The following DNAJC16 variants were observed in gnomAD, a reference collection of about 807,000 sequenced individuals.
DNAJC16 encodes dnaJ homolog subfamily C member 16.
A neutral mutation model predicts 92.7 loss-of-function variants in DNAJC16; 76 were observed. The observed-to-expected ratio is 0.82, with a 90% confidence interval of 0.68 to 0.99. DNAJC16 has a LOEUF of 0.99. Among genes scored for constraint, DNAJC16 ranks in the 50% least tolerant of loss-of-function variants. The probability of loss-of-function intolerance (pLI) is 0.00; values close to 1 mark genes in which losing one functional copy is unlikely to be tolerated. For synonymous variants in DNAJC16, 328 were observed against 358.7 expected, an observed-to-expected ratio of 0.91 and a Z score of 0.97; for missense variants, 869 against 942.4, an observed-to-expected ratio of 0.92 and a Z score of 1.02.
chr1:15,564,552 T>G (rs1638767075), intron 11 of DNAJC16, among the ~76,000 whole-genome samples, 193 bp downstream of exon 11: 1 of 151,514 alleles, frequency 6.6e-6, no homozygotes, highest in Non-Finnish European at 1.5e-5. Flanking sequence ...TTACTTTTTT[T>G]TTTTTTGAGA....
intron 7 of DNAJC16, among the ~76,000 whole-genome samples, chr1:15,555,251 G>A (rs1486970203): frequency 6.6e-6 from 1 of 151,570 alleles, no homozygotes; most frequent in East Asian, 1.9e-4. Context: ...GCCAGGTGTG[G>A]CAGCATGCTC....
intron 7 of DNAJC16, among the ~76,000 whole-genome samples, chr1:15,555,401 G>A (rs1162909894): frequency 1.4e-5 from 2 of 139,508 alleles, no homozygotes; most frequent in Admixed American, 7.2e-5. Context: ...AAAAAAAAAA[G>A]AGGCCGGGTG....
rs1050820405 is a variant in DNAJC16, at chr1:15,571,360, T to C, written c.*3183T>C. On this transcript the variant is annotated 3_prime_UTR_variant, in exon 15 of 15. Transcript: ENST00000375847. ...TTTGGGAATAGAGATTGGAAGCACA[T>C]ACTCAGACCTGTTTTGTTAACTAGA... The C allele has an allele frequency of 1.3e-5, 2 of 152,740 alleles. No homozygotes were observed. The highest frequency in any genetic ancestry group is 3.4e-3 in the Middle Eastern group (1 of 294). The allele number at this position is 152,740 out of a possible 1,614,324, so 9.5% of individuals were successfully genotyped here. A position where few individuals can be genotyped will look rare whatever the true frequency, so the allele number is the denominator to read the frequency against.
chr1:15,531,920 A>G (rs568997650), intron 2 of DNAJC16, among the ~76,000 whole-genome samples: 11 of 152,350 alleles, frequency 7.2e-5, no homozygotes, highest in African/African-American at 2.6e-4. Flanking sequence ...GAGCTATAGC[A>G]GGGGGAAGTG....
intron 5 of DNAJC16, 88 bp from the exon 6 acceptor site, chr1:15,546,679 A>C: frequency 9.6e-7 from 1 of 1,043,560 alleles, no homozygotes; most frequent in Non-Finnish European, 1.4e-6. Context: ...TTTTACACTT[A>C]CTTGATTTGT....
At position 15,537,243 on chromosome 1, in the gene DNAJC16, C is replaced by T. The variant is rs535423749; in HGVS notation, c.574+429C>T. Among the ~76,000 whole-genome samples, 25 of 152,258 alleles carry T rather than the reference C, an allele frequency of 1.6e-4. 1 individual carries two copies. Among genetic ancestry groups the T allele is most frequent in the Admixed American group, 1.4e-3 (22 of 15,298 alleles). On this transcript the variant is annotated intron_variant, in intron 4 of 14. Coordinates refer to ENST00000375847, the MANE Select transcript of DNAJC16 (RefSeq NM_015291.4). ...TCTGCTTTCTTCAACTCTGTGACTC[C>T]GAAGCACCAATTTTTTACTTATTGT...
intron 11 of DNAJC16, chr1:15,565,599 C>T (rs1226707802): frequency 1.6e-5 from 4 of 256,730 alleles, no homozygotes; most frequent in African/African-American, 2.3e-5. Flanking sequence ...TCCACAATGT[C>T]AGAAAATTCT....
At chr1:15,547,648 G>A (rs1638343516) in intron 6 of DNAJC16, among the ~76,000 whole-genome samples, 1 of 151,814 alleles carries the variant, frequency 6.6e-6, no homozygotes. Flanking sequence ...CACCATGTTG[G>A]CCAGGCTGGT....
At chr1:15,532,732 T>TCATCCA (rs1710688494) in intron 2 of DNAJC16, among the ~76,000 whole-genome samples, 1 of 152,182 alleles carries the variant, frequency 6.6e-6, no homozygotes. Context: ...AGAAATGCTT[T>TCATCCA]GGAGTCTCCA....
chr1:15,556,686 A>C (rs996057993), intron 7 of DNAJC16, among the ~76,000 whole-genome samples: 1 of 151,840 alleles, frequency 6.6e-6, no homozygotes, highest in Non-Finnish European at 1.5e-5. Context: ...CCCTCATTTT[A>C]TTTCTTTTTC....
Position 15,568,124 on chromosome 1 carries a change from C to T in DNAJC16, c.2296C>T (p.Leu766=). ...SKLSLWMERL[L]EGSLQRFYIP... The stretch of plus-strand genomic sequence containing the variant: ...GCTCTCTTTATGGATGGAACGCCTG[C>T]TGGAGGGCTCCTTACAGAGGTTTTA... Residue 766 remains leucine (L), a synonymous_variant, in exon 15 of 15, where the codon CTG becomes TTG. Coordinates refer to ENST00000375847, the MANE Select transcript of DNAJC16 (RefSeq NM_015291.4). 2 of 1,614,088 alleles carry T rather than the reference C, an allele frequency of 1.2e-6. No individual in the cohort carries two copies. The highest frequency in any genetic ancestry group is 1.3e-5 in the African/African-American group (1 of 75,064).
chr1:15,556,198 G>A (rs1330730560), intron 7 of DNAJC16, among the ~76,000 whole-genome samples: 1 of 148,758 alleles, frequency 6.7e-6, no homozygotes, highest in Non-Finnish European at 1.5e-5. Context: ...TCTGTTTGCT[G>A]GTATAAGTAA....
intron 2 of DNAJC16, among the ~76,000 whole-genome samples, chr1:15,533,304 C>G (rs1710701295): frequency 6.6e-6 from 1 of 152,116 alleles, no homozygotes; most frequent in East Asian, 1.9e-4. Flanking sequence ...TTGAGACCAG[C>G]CTGGACAACA....
At chr1:15,530,271 C>G (rs1467504470) in intron 2 of DNAJC16, among the ~76,000 whole-genome samples, 1 of 151,118 alleles carries the variant, frequency 6.6e-6, no homozygotes, top group Admixed American at 6.6e-5. Flanking sequence ...AAAAAAAAGC[C>G]CAGAAGTTTG....
At chr1:15,552,891 C>A (rs910033147) in intron 7 of DNAJC16, among the ~76,000 whole-genome samples, 1 of 151,050 alleles carries the variant, frequency 6.6e-6, no homozygotes, top group Non-Finnish European at 1.5e-5. Context: ...CCTCAGCCTT[C>A]GGAGTAGCTG....
chr1:15,536,613 T>A lies in DNAJC16; in HGVS notation c.373T>A (p.Phe125Ile). The change falls in exon 4 of 15, where the codon TTT becomes ATT. Residue 125 changes from phenylalanine (F) to isoleucine (I), a missense_variant. Physicochemically the swap from Phe to Ile is conservative, Grantham distance 21. Coordinates refer to ENST00000375847, the MANE Select transcript of DNAJC16 (RefSeq NM_015291.4). The stretch of plus-strand genomic sequence containing the variant: ...TGAAAATTTTTATTTTGATGAATCC[T>A]TTTTTCACTTCCCTTTTAATTCTGA... ...FHENFYFDES[F>I]FHFPFNSERR... is the part of the protein sequence containing the mutation. 1.9e-6 allele frequency: 3 copies of A among 1,614,154 alleles called. No homozygotes were observed. Among genetic ancestry groups the A allele is most frequent in the Non-Finnish European group, 2.5e-6 (3 of 1,180,020 alleles).
intron 2 of DNAJC16, 72 bp downstream of exon 2, chr1:15,529,344 A>G: frequency 1.4e-6 from 2 of 1,429,754 alleles, no homozygotes; most frequent in Non-Finnish European, 1.9e-6. Context: ...CTAAATTATG[A>G]CTAGCTTTTA....
chr1:15,536,594 T>C lies in DNAJC16; in HGVS notation c.354T>C (p.Asn118=), dbSNP rs757019565. The C allele has an allele frequency of 1.6e-5, 26 of 1,613,898 alleles. No individual in the cohort carries two copies. Among genetic ancestry groups the C allele is most frequent in the Middle Eastern group, 3.3e-4 (2 of 6,084 alleles). The change falls in exon 4 of 15, where the codon AAT becomes AAC. Residue 118 remains asparagine (N), a synonymous_variant. Transcript: ENST00000375847. The stretch of plus-strand genomic sequence containing the variant: ...ATCGCTTCCGCCATTTCCATGAAAA[T>C]TTTTATTTTGATGAATCCTTTTTTC... The part of the protein sequence containing the change: ...REYRFRHFHE[N]FYFDESFFHF...
intron 2 of DNAJC16, among the ~76,000 whole-genome samples, chr1:15,530,833 G>A (rs1038406234): frequency 9.2e-5 from 14 of 152,110 alleles, no homozygotes; most frequent in African/African-American, 3.4e-4. Flanking sequence ...GACTACAGGC[G>A]TGCACCACCA....
Sources: allele counts gnomAD v4.1 joint callset (sites outside exome capture counted in the v4.1 genomes callset), GRCh38; gene constraint gnomAD v4.1.1; transcripts MANE v1.5; gene names NCBI Gene and HGNC (gene_info 2026-07-23, HGNC 2026-07-21).